MACC1: variants seen among roughly 807,000 people sequenced by gnomAD.
The protein encoded by MACC1 is MET transcriptional regulator MACC1, also known as metastasis-associated in colon cancer protein 1.
Under a neutral mutation model 70.7 loss-of-function variants are expected in MACC1, and 79 were observed. The observed-to-expected ratio is 1.12, with a 90% CI of 0.93 to 1.35. The LOEUF (loss-of-function observed/expected upper bound fraction) is 1.35, where lower values mean the gene tolerates loss of function less well. MACC1 is among the 40% of genes most tolerant of loss of function. The probability of loss-of-function intolerance (pLI) is 0.00; values close to 1 mark genes in which losing one functional copy is unlikely to be tolerated. For missense variants in MACC1, 1,106 were observed against 978.1 expected (o/e 1.13, Z -1.74); for synonymous variants, 361 against 347.2 (o/e 1.04, Z -0.44).
rs578098848 is a variant in MACC1 at position 20,173,549 on chromosome 7, G to A, written c.-217-2771C>T. Among the ~76,000 whole-genome samples the A allele has an allele frequency of 5.9e-5, 9 of 152,324 alleles. No individual in the cohort carries two copies. In the South Asian group the frequency reaches 8.3e-4, roughly 14 times the overall value. On this transcript the variant is annotated intron_variant, in intron 1 of 6. Transcript: ENST00000400331. ...TGACACTTCTGGATAGTAAGGTGAT[G>A]TAAAGGTTGCCTTTGGCATAAGTCC...
At chr7:20,179,501 G>T (rs1782466421) in intron 1 of MACC1, among the ~76,000 whole-genome samples, 1 of 152,090 alleles carries the variant, frequency 6.6e-6, no homozygotes, top group African/African-American at 2.4e-5. Context: ...GGGCTTCTTA[G>T]GTCACTAAAT....
At chr7:20,184,135 T>A (rs920499341) in intron 1 of MACC1, among the ~76,000 whole-genome samples, 1 of 152,200 alleles carries the variant, frequency 6.6e-6, no homozygotes, top group Non-Finnish European at 1.5e-5. Context: ...CTTAAAAAAA[T>A]TATTTCAATA....
rs766780188 is a variant in MACC1, at chr7:20,161,887, T to A, written c.-8-17A>T. The A allele has an allele frequency of 6.8e-7, 1 of 1,470,678 alleles. No homozygotes were observed. Among genetic ancestry groups the A allele is most frequent in the South Asian group, 1.1e-5 (1 of 87,958 alleles). 91.1% of individuals were successfully genotyped at this position (1,470,678 alleles called of 1,614,324 possible). A position where few individuals can be genotyped will look rare whatever the true frequency, so the allele number is the denominator to read the frequency against. ...TTTTTCCACCTACAAAGTAAATAGA[T>A]AAGTATTTTTTGTAAGCATACATAT... On this transcript the variant is annotated splice_polypyrimidine_tract_variant and intron_variant, in intron 3 of 6. Transcript: ENST00000400331.
chr7:20,146,032 G>A (rs540333712), intron 6 of MACC1, among the ~76,000 whole-genome samples: 69 of 151,776 alleles, frequency 4.5e-4, no homozygotes, highest in Non-Finnish European at 7.5e-4. Context: ...GTGGTGGCAC[G>A]CGCCTGTAGT....
chr7:20,141,054 C>T lies in MACC1; in HGVS notation c.2451G>A (p.Met817Ile), dbSNP rs1323549722. The T allele has an allele frequency of 2.5e-6, 4 of 1,613,998 alleles. No homozygotes were observed. Among genetic ancestry groups the T allele is most frequent in the Non-Finnish European group, 3.4e-6 (4 of 1,179,928 alleles). The change falls in exon 7 of 7, where the codon ATG becomes ATA. Residue 817 changes from methionine (M) to isoleucine (I), a missense_variant. By Grantham distance (10) the Met-to-Ile change is conservative. Transcript: ENST00000400331. ...LQDLQSALDR[M>I]KNPVTKHWRE... ...TCCAGTGTTTAGTCACAGGGTTTTT[C>T]ATTCTGTCCAAAGCTGACTGAAGGT... is the stretch of plus-strand genomic sequence containing the variant.
chr7:20,152,029 T>C (rs992735518), intron 6 of MACC1, among the ~76,000 whole-genome samples: 1 of 152,228 alleles, frequency 6.6e-6, no homozygotes, highest in Non-Finnish European at 1.5e-5. Flanking sequence ...TGAGTTTTTA[T>C]TGAAAGGATT....
intron 6 of MACC1, among the ~76,000 whole-genome samples, chr7:20,142,226 C>A (rs1388806110): frequency 1.3e-5 from 2 of 152,108 alleles, no homozygotes; most frequent in African/African-American, 2.4e-5. Flanking sequence ...ATAATTTTCA[C>A]CATCCTCCAA....
intron 1 of MACC1, among the ~76,000 whole-genome samples, chr7:20,212,382 G>A (rs534279601): frequency 6.6e-6 from 1 of 152,072 alleles, no homozygotes; most frequent in Non-Finnish European, 1.5e-5. Flanking sequence ...TCCAAGGAAG[G>A]CCCCTATAAA....
intron 5 of MACC1, among the ~76,000 whole-genome samples, chr7:20,156,908 G>C (rs1297872268): frequency 6.6e-6 from 1 of 152,048 alleles, no homozygotes; most frequent in Non-Finnish European, 1.5e-5. Flanking sequence ...ACCTTCTACA[G>C]AGCACCAGCC....
chr7:20,144,566 C>G (rs1391612729), intron 6 of MACC1, among the ~76,000 whole-genome samples: 3 of 152,062 alleles, frequency 2.0e-5, no homozygotes, highest in Non-Finnish European at 4.4e-5. Context: ...CAAAATACCT[C>G]ATGATGTATC....
Position 20,158,714 on chromosome 7 carries a change from G to T in MACC1, c.1647C>A (p.Asn549Lys). 6.2e-7 allele frequency: 1 copy of T among 1,613,832 alleles called. No individual in the cohort carries two copies. Among genetic ancestry groups the T allele is most frequent in the Non-Finnish European group, 8.5e-7 (1 of 1,179,994 alleles). Residue 549 changes from asparagine to lysine, a missense_variant, in exon 5 of 7, where the codon AAC (asparagine) becomes AAA (lysine). Transcript: ENST00000400331. ...KYPTFQDKTL[N>K]FSNYGVTLKA... ...TCAGGGTTACCCCATAGTTGCTAAA[G>T]TTCAATGTTTTATCTTGAAATGTAG... is the stretch of plus-strand genomic sequence containing the variant.
chr7:20,188,570 G>T (rs1368025261), intron 1 of MACC1, among the ~76,000 whole-genome samples: 2 of 151,930 alleles, frequency 1.3e-5, no homozygotes, highest in Non-Finnish European at 2.9e-5. Flanking sequence ...TCCTTCTCCA[G>T]TTCCCACCCC....
chr7:20,142,521 C>A (rs1458373386), intron 6 of MACC1, among the ~76,000 whole-genome samples: 1 of 152,206 alleles, frequency 6.6e-6, no homozygotes, highest in Non-Finnish European at 1.5e-5. Context: ...GTTTTACCCT[C>A]ACCAACCGGA....
chr7:20,205,483 C>T (rs1195181681), intron 1 of MACC1, among the ~76,000 whole-genome samples: 3 of 151,980 alleles, frequency 2.0e-5, no homozygotes, highest in Non-Finnish European at 4.4e-5. Context: ...ACCACTTCAT[C>T]ACCTCACCTG....
intron 1 of MACC1, among the ~76,000 whole-genome samples, chr7:20,171,408 C>A (rs370068823): frequency 3.3e-5 from 5 of 151,730 alleles, no homozygotes; most frequent in Admixed American, 3.3e-4. Flanking sequence ...CCCGCCACCA[C>A]GCCCAGCTAA....
chr7:20,191,552 G>A (rs1161164921), intron 1 of MACC1, among the ~76,000 whole-genome samples: 3 of 152,150 alleles, frequency 2.0e-5, no homozygotes, highest in Non-Finnish European at 2.9e-5. Flanking sequence ...CAAGGGGAGT[G>A]CCACTGGACA....
At chr7:20,170,988 T>C (rs145626775) in intron 1 of MACC1, among the ~76,000 whole-genome samples, 3 of 152,336 alleles carry the variant, frequency 2.0e-5, no homozygotes, top group East Asian at 3.9e-4. Context: ...TAGTTTCTAA[T>C]GTTTCAGGGA....
chr7:20,178,746 A>G (rs3094994), intron 1 of MACC1, among the ~76,000 whole-genome samples: 12,646 of 152,138 alleles, frequency 0.083, 758 homozygotes, highest in South Asian at 0.22. Context: ...GATTACAGGC[A>G]TGCACCACCA....
intron 2 of MACC1, among the ~76,000 whole-genome samples, chr7:20,168,705 T>C (rs1262183080): frequency 3.3e-5 from 5 of 152,210 alleles, no homozygotes; most frequent in Non-Finnish European, 7.3e-5. Context: ...TAGACAGCTA[T>C]CTGCCTCCCT....
Sources: allele counts gnomAD v4.1 joint callset (sites outside exome capture counted in the v4.1 genomes callset), GRCh38; gene constraint gnomAD v4.1.1; transcripts MANE v1.5; gene names NCBI Gene and HGNC (gene_info 2026-07-23, HGNC 2026-07-21).